Variants in SEMA5B observed in about 807,000 individuals in gnomAD.
The protein encoded by SEMA5B is semaphorin 5B.
SEMA5B carries 66 observed loss-of-function variants against 135.0 expected under a neutral mutation model. The ratio of observed to expected loss-of-function variants is 0.49; its 90% confidence interval spans 0.40 to 0.60. The LOEUF (loss-of-function observed/expected upper bound fraction) is 0.60. Among genes scored for constraint, SEMA5B ranks in the 20% least tolerant of loss-of-function variants. The pLI, the probability that SEMA5B is intolerant of heterozygous loss-of-function variation, is 0.00. For synonymous variants in SEMA5B, 690 were observed against 639.5 expected (o/e 1.08, Z -1.19); for missense variants, 1,501 against 1,566.3 (o/e 0.96, Z 0.70).
rs182797466 is a variant in SEMA5B, at chr3:122,948,506, C to A, written c.328G>T (p.Asp110Tyr). The A allele has an allele frequency of 3.8e-6, 6 of 1,597,386 alleles. No homozygotes were observed. Among genetic ancestry groups the A allele is most frequent in the Non-Finnish European group, 5.1e-6 (6 of 1,168,382 alleles). ...LSKHPTVAFEDLQPWVSNFTY... is the reference protein window; with the variant it reads ...LSKHPTVAFEYLQPWVSNFTY... ...GGGCCAAGTAGGAAGCAACTCTTAC[C>A]TTCAAAGGCCACGGTGGGGTGCTTG... Residue 110 changes from aspartate to tyrosine, a missense_variant and splice_region_variant, in exon 3 of 23, where the codon GAC becomes TAC. Around this residue, in one of 2 missense-constraint regions of SEMA5B, gnomAD observed 574 missense variants for 684.7 expected, o/e 0.84. Coordinates refer to ENST00000357599, the MANE Select transcript of SEMA5B (RefSeq NM_001031702.4).
chr3:122,922,852 T>C (rs1476718932), intron 10 of SEMA5B, among the ~76,000 whole-genome samples: 2 of 148,584 alleles, frequency 1.3e-5, no homozygotes, highest in African/African-American at 2.5e-5. Flanking sequence ...AAAGTTCTTA[T>C]GATTTCTAAA....
At chr3:122,956,673 C>A (rs1560360858) in intron 2 of SEMA5B, among the ~76,000 whole-genome samples, 1 of 152,040 alleles carries the variant, frequency 6.6e-6, no homozygotes, top group Non-Finnish European at 1.5e-5. Flanking sequence ...GAACCCTCCC[C>A]CGTTTTCAGA....
chr3:122,988,600 T>C (rs986683685), intron 1 of SEMA5B, among the ~76,000 whole-genome samples: 6 of 152,158 alleles, frequency 3.9e-5, no homozygotes, highest in African/African-American at 1.4e-4. Context: ...CTGCCAGCCC[T>C]GGGGAGCACA....
Position 122,913,533 on chromosome 3 carries a change from C to T in SEMA5B, c.2280+1G>A, listed in dbSNP as rs1937885525. The T allele has an allele frequency of 6.2e-7, 1 of 1,610,532 alleles. No homozygotes were observed. The highest frequency in any genetic ancestry group is 2.2e-5 in the East Asian group (1 of 44,856). ...CCCTGGCCCACGGCCCCAACCCTCA[C>T]CACGCCGCAGCCCAGGCAGGAGTTG... On this transcript the variant is annotated splice_donor_variant, in intron 16 of 22. Transcript: ENST00000357599. LOFTEE classifies it high-confidence loss of function.
At chr3:122,912,766 T>G in intron 18 of SEMA5B, 77 bp downstream of exon 18, 9 of 1,368,058 alleles carry the variant, frequency 6.6e-6, no homozygotes, top group Non-Finnish European at 8.9e-6. Context: ...GGTTCCTGGG[T>G]AGGCCTGGGG....
At chr3:123,017,090 A>G (rs1224237770) in intron 1 of SEMA5B, among the ~76,000 whole-genome samples, 1 of 151,236 alleles carries the variant, frequency 6.6e-6, no homozygotes, top group Non-Finnish European at 1.5e-5. Flanking sequence ...ATGGGGTTTC[A>G]CTGTTAGCCA....
intron 1 of SEMA5B, among the ~76,000 whole-genome samples, chr3:122,996,801 C>T (rs924852462): frequency 6.6e-6 from 1 of 152,198 alleles, no homozygotes; most frequent in African/African-American, 2.4e-5. Flanking sequence ...GGGAAGGCAG[C>T]CCGAGTAGCG....
intron 1 of SEMA5B, among the ~76,000 whole-genome samples, chr3:123,020,112 G>A (rs188967144): frequency 6.6e-6 from 1 of 152,324 alleles, no homozygotes; most frequent in African/African-American, 2.4e-5. Flanking sequence ...ATCATTGATA[G>A]GCACAAAGAT....
chr3:123,015,497 G>A (rs1576410877), intron 1 of SEMA5B, among the ~76,000 whole-genome samples: 1 of 152,172 alleles, frequency 6.6e-6, no homozygotes, highest in African/African-American at 2.4e-5. Flanking sequence ...AGAGAAGTGG[G>A]AGATCTTCAG....
At chr3:122,940,312 G>T (rs979662158) in intron 4 of SEMA5B, among the ~76,000 whole-genome samples, 11 of 152,204 alleles carry the variant, frequency 7.2e-5, no homozygotes. Context: ...GAGAATTCCA[G>T]CTCAGCCACC....
rs778251817 is a variant in SEMA5B at position 122,915,518 on chromosome 3, C to G, written c.1910G>C (p.Arg637Pro). 6.2e-7 allele frequency: 1 copy of G among 1,614,072 alleles called. No homozygotes were observed. Among genetic ancestry groups the G allele is most frequent in the Non-Finnish European group, 8.5e-7 (1 of 1,180,018 alleles). The change falls in exon 14 of 23, where the codon CGA becomes CCA. Residue 637 changes from arginine to proline, a missense_variant. Physicochemically the swap from Arg to Pro is moderately radical, Grantham distance 103. Transcript: ENST00000357599. Reference sequence around the variant, plus strand: ...GCGGGGTCGAGGGGAATCACAGGATCGAGCTCGACACAGGCAAGAGCCTGA... The same window carrying G: ...GCGGGGTCGAGGGGAATCACAGGATGGAGCTCGACACAGGCAAGAGCCTGA... ...DNSGSCLCRA[R>P]SCDSPRPRCG... is the part of the protein sequence containing the mutation.
chr3:122,944,030 A>G (rs968773382), intron 3 of SEMA5B, among the ~76,000 whole-genome samples: 1 of 152,086 alleles, frequency 6.6e-6, no homozygotes, highest in African/African-American at 2.4e-5. Flanking sequence ...CTTGTTCTCA[A>G]ATGCAAATGT....
chr3:123,017,919 G>GA lies in SEMA5B; in HGVS notation c.-39+9544dup, dbSNP rs111824838. Among the ~76,000 whole-genome samples the GA allele has an allele frequency of 8.8e-3, 1,036 of 118,290 alleles. 11 individuals are homozygous for GA. Among genetic ancestry groups the GA allele is most frequent in the African/African-American group, 0.022 (779 of 35,206 alleles). 77.6% of individuals were successfully genotyped at this position (118,290 alleles called of 152,430 possible). A position where few individuals can be genotyped will look rare whatever the true frequency, so the allele number is the denominator to read the frequency against. The stretch of plus-strand genomic sequence containing the variant: ...TGAGTGAGACTCCATCTCAAAAAAA[G>GA]AAAAAAAAAAAAAAGGATTTTTTGC... On this transcript the variant is annotated intron_variant, in intron 1 of 22. Coordinates refer to ENST00000357599, the MANE Select transcript of SEMA5B (RefSeq NM_001031702.4).
chr3:122,983,282 CA>C (rs1296397787), intron 1 of SEMA5B, among the ~76,000 whole-genome samples: 1 of 151,812 alleles, frequency 6.6e-6, no homozygotes, highest in African/African-American at 2.4e-5. Flanking sequence ...GGTTTTGTTT[CA>C]TTTTTTTTCT....
In SEMA5B at chr3:122,983,064, G is replaced by A. The variant is rs577284510; in HGVS notation, c.-38-21763C>T. ...CCAGCTGGCCAGGCAGGGCGGCTGC[G>A]GGATGAAGTGATCACTGGTGTCCAT... is the stretch of plus-strand genomic sequence containing the variant. On this transcript the variant is annotated intron_variant, in intron 1 of 22. Transcript: ENST00000357599. 3.3e-5 allele frequency among the ~76,000 whole-genome samples: 5 copies of A among 152,316 alleles called. No homozygotes were observed. The East Asian group carries it at 7.7e-4, about 24-fold the overall frequency.
chr3:122,977,266 T>A (rs1356968235), intron 1 of SEMA5B, among the ~76,000 whole-genome samples: 1 of 152,226 alleles, frequency 6.6e-6, no homozygotes, highest in Admixed American at 6.5e-5. Flanking sequence ...TAACAGAAAG[T>A]AATCCCTGAC....
chr3:122,937,476 G>A (rs1021899583), intron 5 of SEMA5B, among the ~76,000 whole-genome samples: 1 of 152,214 alleles, frequency 6.6e-6, no homozygotes, highest in African/African-American at 2.4e-5. Flanking sequence ...GAGTGGGAAC[G>A]TGGACATAAA....
At chr3:123,024,659 G>T (rs1477470883) in intron 1 of SEMA5B, among the ~76,000 whole-genome samples, 2 of 152,142 alleles carry the variant, frequency 1.3e-5, no homozygotes, top group East Asian at 3.9e-4. Flanking sequence ...ATGAGGGTGA[G>T]CCAAGGGCCC....
chr3:122,911,192 G>A (rs1390559142), intron 21 of SEMA5B, 147 bp from the exon 22 acceptor site: 6 of 1,000,564 alleles, frequency 6.0e-6, no homozygotes, highest in Non-Finnish European at 7.2e-6. Context: ...AAACAGGGAG[G>A]CTGGGGAGGC....
Sources: gnomAD v4.1 joint callset for allele counts (sites outside exome capture counted in the v4.1 genomes callset) on GRCh38, gnomAD v4.1.1 for gene constraint, gnomAD v4.1.1 regional missense constraint, MANE v1.5 for transcripts, NCBI Gene and HGNC (gene_info 2026-07-23, HGNC 2026-07-21) for gene names.